CAMKMT: variants seen among roughly 807,000 people sequenced by gnomAD.
CAMKMT encodes calmodulin-lysine N-methyltransferase.
Under a neutral mutation model 48.0 loss-of-function variants are expected in CAMKMT, and 53 were observed. The ratio of observed to expected loss-of-function variants is 1.10; its 90% CI spans 0.89 to 1.39. The LOEUF (loss-of-function observed/expected upper bound fraction) is 1.39, where lower values mean the gene tolerates loss of function less well. Among genes scored for constraint, CAMKMT ranks in the 40% most tolerant of loss-of-function variants. The pLI is 0.00. For synonymous variants in CAMKMT, 165 were observed against 152.3 expected (o/e 1.08, Z -0.61); for missense variants, 428 against 402.7 (o/e 1.06, Z -0.54).
chr2:44,540,338 T>C (rs1024026084), intron 3 of CAMKMT, among the ~76,000 whole-genome samples: 1 of 152,178 alleles, frequency 6.6e-6, no homozygotes, highest in African/African-American at 2.4e-5. Context: ...TGTGTACTTT[T>C]TAACTTTCTA....
chr2:44,582,275 T>A (rs1669607475), intron 3 of CAMKMT, among the ~76,000 whole-genome samples: 1 of 152,162 alleles, frequency 6.6e-6, no homozygotes, highest in Non-Finnish European at 1.5e-5. Flanking sequence ...ACAGTGTCAT[T>A]TTTGCTCTTT....
intron 3 of CAMKMT, among the ~76,000 whole-genome samples, chr2:44,532,684 A>G (rs1666551407): frequency 1.3e-5 from 2 of 152,222 alleles, no homozygotes; most frequent in Admixed American, 1.3e-4. Flanking sequence ...GCCAGAAAAG[A>G]CTTCACCAGT....
At chr2:44,622,500 C>G (rs949651774) in intron 3 of CAMKMT, among the ~76,000 whole-genome samples, 4 of 152,158 alleles carry the variant, frequency 2.6e-5, no homozygotes, top group Non-Finnish European at 4.4e-5. Context: ...TCTTCCTTCC[C>G]TCCTTCCTCT....
chr2:44,712,324 T>G (rs1183479327), intron 6 of CAMKMT, among the ~76,000 whole-genome samples: 2 of 152,152 alleles, frequency 1.3e-5, no homozygotes, highest in Non-Finnish European at 2.9e-5. Context: ...AATATCTTCT[T>G]GCTTAAACAA....
At chr2:44,365,284 A>G (rs1457418567) in intron 1 of CAMKMT, among the ~76,000 whole-genome samples, 2 of 151,968 alleles carry the variant, frequency 1.3e-5, no homozygotes, top group Non-Finnish European at 2.9e-5. Context: ...CTTTTACTTT[A>G]TGTTAACTAT....
chr2:44,483,760 A>G (rs929262558), intron 3 of CAMKMT, among the ~76,000 whole-genome samples: 1 of 152,196 alleles, frequency 6.6e-6, no homozygotes, highest in African/African-American at 2.4e-5. Context: ...CTTAATCAAA[A>G]AAGGAGTAAG....
chr2:44,612,546 T>C (rs1343092073), intron 3 of CAMKMT, among the ~76,000 whole-genome samples: 1 of 152,206 alleles, frequency 6.6e-6, no homozygotes, highest in African/African-American at 2.4e-5. Context: ...ATTTCCCTAT[T>C]CTTAGGACTA....
intron 3 of CAMKMT, among the ~76,000 whole-genome samples, chr2:44,539,470 T>A (rs1481630405): frequency 6.6e-6 from 1 of 152,156 alleles, no homozygotes; most frequent in Non-Finnish European, 1.5e-5. Context: ...GTAACCACAG[T>A]ACAATTATCA....
chr2:44,560,929 G>A (rs1668291347), intron 3 of CAMKMT, among the ~76,000 whole-genome samples: 1 of 152,094 alleles, frequency 6.6e-6, no homozygotes, highest in South Asian at 2.1e-4. Flanking sequence ...ACCTTAGATG[G>A]GGGCTTTGAG....
chr2:44,665,761 G>A (rs76750596), intron 3 of CAMKMT, among the ~76,000 whole-genome samples: 1 of 152,168 alleles, frequency 6.6e-6, no homozygotes, highest in Non-Finnish European at 1.5e-5. Context: ...AGTGTTTGTT[G>A]AATGAGTGAA....
chr2:44,660,683 C>A (rs1674633626), intron 3 of CAMKMT, among the ~76,000 whole-genome samples: 2 of 152,136 alleles, frequency 1.3e-5, no homozygotes, highest in Admixed American at 6.5e-5. Context: ...GTGGCACAAT[C>A]ATGGCTCACT....
chr2:44,718,769 A>G (rs1678304549), intron 7 of CAMKMT, among the ~76,000 whole-genome samples: 4 of 152,226 alleles, frequency 2.6e-5, no homozygotes, highest in Admixed American at 2.6e-4. Context: ...TCACTTAAGA[A>G]TGTATGTATC....
At chr2:44,696,892 G>C (rs183399753) in intron 3 of CAMKMT, among the ~76,000 whole-genome samples, 23 of 151,936 alleles carry the variant, frequency 1.5e-4, no homozygotes, top group Admixed American at 5.2e-4. Context: ...GCTTATAAAA[G>C]AAACATTCAG....
chr2:44,566,498 G>T (rs773381282), intron 3 of CAMKMT, among the ~76,000 whole-genome samples: 2 of 152,110 alleles, frequency 1.3e-5, no homozygotes, highest in African/African-American at 4.8e-5. Context: ...CTGCTGGGTC[G>T]TATGTGAACT....
At chr2:44,539,647 A>G (rs1666983383) in intron 3 of CAMKMT, among the ~76,000 whole-genome samples, 1 of 151,976 alleles carries the variant, frequency 6.6e-6, no homozygotes, top group Non-Finnish European at 1.5e-5. Context: ...ACTCTCTTTT[A>G]ACTTTGAACA....
intron 3 of CAMKMT, among the ~76,000 whole-genome samples, chr2:44,560,565 CCCAGCAGGTGGCAT>C (rs1243492893): frequency 6.6e-6 from 1 of 152,192 alleles, no homozygotes; most frequent in African/African-American, 2.4e-5. Context: ...AGCCACGGTG[CCCAGCAGGTGGCAT>C]CCTTCTAATG....
intron 3 of CAMKMT, among the ~76,000 whole-genome samples, chr2:44,473,203 G>GT (rs1558642191): frequency 6.6e-6 from 1 of 152,044 alleles, no homozygotes; most frequent in East Asian, 1.9e-4. Context: ...GCCAACATAT[G>GT]TTTTTTTGTG....
chr2:44,431,647 G>A (rs908466410), intron 3 of CAMKMT, among the ~76,000 whole-genome samples: 1 of 152,148 alleles, frequency 6.6e-6, no homozygotes, highest in Non-Finnish European at 1.5e-5. Flanking sequence ...AGTGCAATAT[G>A]AAGCTTCAGT....
At chr2:44,465,317 G>A (rs1016374644) in intron 3 of CAMKMT, among the ~76,000 whole-genome samples, 2 of 152,224 alleles carry the variant, frequency 1.3e-5, no homozygotes, top group African/African-American at 4.8e-5. Context: ...AATGAAACAG[G>A]CTGGACGCAG....
Sources: gnomAD v4.1 joint callset for allele counts (sites outside exome capture counted in the v4.1 genomes callset) on GRCh38, gnomAD v4.1.1 for gene constraint, MANE v1.5 for transcripts, NCBI Gene and HGNC (gene_info 2026-07-23, HGNC 2026-07-21) for gene names.